The following FBP2 variants were observed in gnomAD, a reference collection of about 807,000 sequenced individuals.
The protein encoded by FBP2 is fructose-1,6-bisphosphatase isozyme 2.
Under a neutral mutation model 31.6 loss-of-function variants are expected in FBP2, and 27 were observed. That is an observed-to-expected ratio of 0.85 (90% CI 0.63 to 1.18). The LOEUF (loss-of-function observed/expected upper bound fraction) is 1.18. Among genes scored for constraint, FBP2 ranks in the 50% most tolerant of loss-of-function variants. The probability of loss-of-function intolerance (pLI) is 0.00; values close to 1 mark genes in which losing one functional copy is unlikely to be tolerated. For synonymous variants in FBP2, 168 were observed against 179.8 expected, an observed-to-expected ratio of 0.93 and a Z score of 0.53; for missense variants, 421 against 436.1, an observed-to-expected ratio of 0.97 and a Z score of 0.31.
At chr9:94,585,612 ATTGT>A (rs1008186119) in intron 2 of FBP2, among the ~76,000 whole-genome samples, 12 of 151,982 alleles carry the variant, frequency 7.9e-5, no homozygotes, top group Non-Finnish European at 2.9e-5. Flanking sequence ...AGAAAGCAAA[ATTGT>A]TTGTTTTCTT....
At chr9:94,588,500 G>A (rs1209059109) in intron 1 of FBP2, among the ~76,000 whole-genome samples, 4 of 152,184 alleles carry the variant, frequency 2.6e-5, no homozygotes, top group Non-Finnish European at 4.4e-5. Context: ...GCACACACCT[G>A]TAGTCCCAGC....
At chr9:94,593,516 C>T in intron 1 of FBP2, 41 bp downstream of exon 1, 4 of 1,578,232 alleles carry the variant, frequency 2.5e-6, no homozygotes, top group Non-Finnish European at 3.4e-6. Flanking sequence ...CTGCCTGGGC[C>T]TGGGGTGCTC....
At chr9:94,591,103 C>A (rs978514034) in intron 1 of FBP2, among the ~76,000 whole-genome samples, 62 of 152,282 alleles carry the variant, frequency 4.1e-4, no homozygotes, top group South Asian at 1.0e-3. Context: ...CGCACCGGGG[C>A]TGCAGGTGGA....
At chr9:94,566,907 T>C (rs370515922) in intron 5 of FBP2, among the ~76,000 whole-genome samples, 1 of 152,310 alleles carries the variant, frequency 6.6e-6, no homozygotes, top group African/African-American at 2.4e-5. Context: ...GCCTCTCATA[T>C]AATTATTTAT....
At chr9:94,560,370 C>CTTTT (rs1468020352) in intron 6 of FBP2, among the ~76,000 whole-genome samples, 5 of 152,148 alleles carry the variant, frequency 3.3e-5, no homozygotes, top group Non-Finnish European at 5.9e-5. Context: ...ATTGAATGGA[C>CTTTT]TTTTTAGGTC....
chr9:94,576,632 G>C (rs906138092), intron 3 of FBP2: 8 of 152,206 alleles, frequency 5.3e-5, no homozygotes, highest in African/African-American at 1.9e-4. Context: ...TGCAGTGCCT[G>C]CTACCTCCAA....
chr9:94,578,941 T>A (rs1827344619), intron 3 of FBP2, among the ~76,000 whole-genome samples: 1 of 146,486 alleles, frequency 6.8e-6, no homozygotes, highest in South Asian at 2.2e-4. Context: ...TAGTCCCAGC[T>A]ACTCAGGAGG....
At chr9:94,587,500 C>CACT (rs1172425424) in intron 1 of FBP2, 31 bp from the exon 2 acceptor site, 1 of 1,610,638 alleles carries the variant, frequency 6.2e-7, no homozygotes, top group African/African-American at 1.3e-5. Flanking sequence ...ATGAGGAAGT[C>CACT]ACTAGGGGGT....
intron 2 of FBP2, among the ~76,000 whole-genome samples, chr9:94,585,537 A>G (rs1338985893): frequency 1.3e-5 from 2 of 148,334 alleles, no homozygotes; most frequent in African/African-American, 2.5e-5. Flanking sequence ...GAGAGCCATG[A>G]GGGGGGGTCA....
intron 1 of FBP2, among the ~76,000 whole-genome samples, chr9:94,593,248 T>A (rs1205159916): frequency 6.6e-6 from 1 of 152,260 alleles, no homozygotes; most frequent in Non-Finnish European, 1.5e-5. Flanking sequence ...AGACTCTCTC[T>A]GTGCAAGTAC....
Position 94,584,670 on chromosome 9 carries a change from C to G in FBP2, c.334-1G>C. On this transcript the variant is annotated splice_acceptor_variant, in intron 2 of 6. Transcript: ENST00000375337. LOFTEE classifies it high-confidence loss of function. ...GGTCAAAGCAGACCACGTATTTCCC[C>G]TAAATCAGAGAGGAAAGCACCAACT... 1.2e-6 allele frequency: 2 copies of G among 1,602,736 alleles called. No homozygotes were observed. The highest frequency in any genetic ancestry group is 8.5e-7 in the Non-Finnish European group (1 of 1,169,694).
intron 3 of FBP2, among the ~76,000 whole-genome samples, chr9:94,579,258 C>T (rs1358733845): frequency 5.8e-5 from 8 of 138,518 alleles, no homozygotes; most frequent in South Asian, 2.4e-4. Context: ...ATTAGCCGGG[C>T]GTGGTGCCGG....
chr9:94,576,903 G>T (rs1027502608), intron 3 of FBP2, among the ~76,000 whole-genome samples: 4 of 152,032 alleles, frequency 2.6e-5, no homozygotes, highest in Non-Finnish European at 5.9e-5. Context: ...GCTGGGGTTG[G>T]GGGGGCATTG....
At chr9:94,574,578 G>A (rs527616624) in intron 3 of FBP2, among the ~76,000 whole-genome samples, 2 of 151,934 alleles carry the variant, frequency 1.3e-5, no homozygotes, top group South Asian at 2.1e-4. Context: ...TATTTTCCTC[G>A]ATTGTCATTG....
chr9:94,561,573 G>A (rs1437340760), intron 6 of FBP2, among the ~76,000 whole-genome samples: 1 of 151,994 alleles, frequency 6.6e-6, no homozygotes, highest in Non-Finnish European at 1.5e-5. Context: ...CACTGTGTTA[G>A]CCAGGATGGT....
At chr9:94,564,958 AAAT>A (rs1827164103) in intron 5 of FBP2, among the ~76,000 whole-genome samples, 1 of 152,232 alleles carries the variant, frequency 6.6e-6, no homozygotes, top group Admixed American at 6.5e-5. Flanking sequence ...CAACACAAAG[AAAT>A]AATAAATGTC....
At chr9:94,567,866 T>C (rs612202) in intron 4 of FBP2, 75,372 of 155,566 alleles carry the variant, frequency 0.48, 18,901 homozygotes, top group African/African-American at 0.6. Context: ...CAGTGGCTTA[T>C]GCATGTAATC....
chr9:94,567,439 G>A (rs766560666), intron 4 of FBP2, 32 bp from the exon 5 acceptor site: 26 of 1,580,026 alleles, frequency 1.6e-5, no homozygotes, highest in Non-Finnish European at 2.0e-5. Context: ...CCAGGAAGAA[G>A]AGAGAAGCCA....
At chr9:94,559,429 G>A (rs1248942863) in intron 6 of FBP2, among the ~76,000 whole-genome samples, 1 of 152,146 alleles carries the variant, frequency 6.6e-6, no homozygotes, top group South Asian at 2.1e-4. Flanking sequence ...GGAAATATGA[G>A]ATCTAGGCAT....
Sources: allele counts gnomAD v4.1 joint callset (sites outside exome capture counted in the v4.1 genomes callset), GRCh38; gene constraint gnomAD v4.1.1; transcripts MANE v1.5; gene names NCBI Gene and HGNC (gene_info 2026-07-23, HGNC 2026-07-21).